Variants in PNPLA6 observed in about 807,000 individuals in gnomAD.
The protein encoded by PNPLA6 is patatin-like phospholipase domain-containing protein 6.
PNPLA6 carries 105 observed loss-of-function variants against 153.7 expected under a neutral mutation model. The ratio of observed to expected loss-of-function variants is 0.68; its 90% CI spans 0.58 to 0.80. The LOEUF is 0.80. PNPLA6 is among the 30% of genes least tolerant of loss of function. PNPLA6 has a pLI of 0.00. For missense variants in PNPLA6, 1,423 were observed against 1,919.3 expected, an observed-to-expected ratio of 0.74 and a Z score of 4.83; for synonymous variants, 825 against 822.2, an observed-to-expected ratio of 1.00 and a Z score of -0.06.
intron 26 of PNPLA6, 90 bp from the exon 27 acceptor site, chr19:7,557,077 TC>T: frequency 1.0e-6 from 1 of 984,520 alleles, no homozygotes; most frequent in Admixed American, 1.7e-5. Context: ...GTTAACAACG[TC>T]CCAGGTCAGC....
At chr19:7,551,578 A>G (rs1188501287) in intron 18 of PNPLA6, 141 bp downstream of exon 18, 2 of 744,346 alleles carry the variant, frequency 2.7e-6, no homozygotes, top group Admixed American at 4.0e-5. Context: ...TTCAAACCCT[A>G]AGTAGGACCC....
chr19:7,557,959 C>T (rs769854780), intron 27 of PNPLA6, among the ~76,000 whole-genome samples: 5 of 152,156 alleles, frequency 3.3e-5, no homozygotes, highest in Non-Finnish European at 7.3e-5. Flanking sequence ...CATGCTTTCT[C>T]TCAGGGGCAG....
At chr19:7,554,808 C>T (rs1313453434) in intron 21 of PNPLA6, 85 bp downstream of exon 21, 37 of 1,583,040 alleles carry the variant, frequency 2.3e-5, no homozygotes, top group East Asian at 1.1e-4. Context: ...CGTGCACCCT[C>T]GCCATGGGGG....
In PNPLA6 at chr19:7,557,231, A is replaced by G. The variant is rs762434726; in HGVS notation, c.3344A>G (p.Asp1115Gly). ...TCGGGCTACCTGCCCCCGCTGTGCG[A>G]CCCCAAGGACGGGCACCTACTCATG... Reference protein sequence around the residue: ...TLSGYLPPLCDPKDGHLLMDG... With the variant: ...TLSGYLPPLCGPKDGHLLMDG... Residue 1115 changes from aspartate to glycine, a missense_variant, in exon 27 of 32, where the codon GAC becomes GGC. By Grantham distance (94) the Asp-to-Gly change is moderately conservative. Coordinates refer to ENST00000600737, the MANE Select transcript of PNPLA6 (RefSeq NM_001166114.2). 14 of 1,613,502 alleles carry G rather than the reference A, an allele frequency of 8.7e-6. No homozygotes were observed. Among genetic ancestry groups the G allele is most frequent in the Non-Finnish European group, 1.2e-5 (14 of 1,179,916 alleles).
Position 7,560,751 on chromosome 19 carries a change from G to T in PNPLA6, c.3803G>T (p.Ser1268Ile). The change falls in exon 29 of 32, where the codon AGC (serine) becomes ATC (isoleucine). Residue 1268 changes from serine (S) to isoleucine (I), a missense_variant. Physicochemically the swap from Ser to Ile is moderately radical, Grantham distance 142. This residue lies in a region of PNPLA6 where 643 missense variants were observed against 835.2 expected (regional missense o/e 0.77). Coordinates refer to ENST00000600737, the MANE Select transcript of PNPLA6 (RefSeq NM_001166114.2). ...CGGCGGTCTACAGACCTTAATGAGA[G>T]CCGCCGTGCAGACGTAAGCCTGTGA... ...TDRRSTDLNE[S>I]RRADVLAFPS... 2 of 1,607,204 alleles carry T rather than the reference G, an allele frequency of 1.2e-6. No homozygotes were observed. The highest frequency in any genetic ancestry group is 1.7e-6 in the Non-Finnish European group (2 of 1,173,856).
In PNPLA6 at chr19:7,541,422, GCT is replaced by G; in HGVS notation, c.996_997del (p.Phe333GlnfsTer99). The G allele has an allele frequency of 6.2e-7, 1 of 1,613,928 alleles. No homozygotes were observed. Among genetic ancestry groups the G allele is most frequent in the Non-Finnish European group, 8.5e-7 (1 of 1,179,886 alleles). ...LHNYLGLTNELFSHEIQPLRL... is the reference protein window; with the variant it reads ...LHNYLGLTNEXFSHEIQPLRL... ...ACAACTACCTGGGTCTGACCAATGAGCTCTTCAGCCACGTGAGTGGGTGGCGG... is the reference window on the plus strand; with the variant it reads ...ACAACTACCTGGGTCTGACCAATGAGCTTCAGCCACGTGAGTGGGTGGCGG... On this transcript the variant is annotated frameshift_variant, in exon 8 of 32. Transcript: ENST00000600737. LOFTEE classifies it high-confidence loss of function. This position sits in a 1 kb window ranked among gnomAD's most constrained non-coding sequence, Gnocchi z 5.2.
intron 3 of PNPLA6, among the ~76,000 whole-genome samples, chr19:7,536,950 A>AGAAGAAG (rs1324074894): frequency 7.9e-6 from 1 of 127,060 alleles, no homozygotes; most frequent in African/African-American, 2.9e-5. Flanking sequence ...AAAAAAAAAA[A>AGAAGAAG]AAGAAGAAGA....
chr19:7,550,702 C>T, intron 16 of PNPLA6, 62 bp downstream of exon 16: 1 of 1,587,302 alleles, frequency 6.3e-7, no homozygotes, highest in South Asian at 1.1e-5. Flanking sequence ...CGACAACTCA[C>T]ACACATCATC....
intron 2 of PNPLA6, 42 bp from the exon 3 acceptor site, chr19:7,536,407 T>C (rs772734331): frequency 6.8e-7 from 1 of 1,478,228 alleles, no homozygotes; most frequent in East Asian, 2.3e-5. Flanking sequence ...TTCTCCAAGG[T>C]CTGAATTAGC....
intron 16 of PNPLA6, 133 bp from the exon 17 acceptor site, chr19:7,550,861 G>C (rs1408699241): frequency 1.1e-6 from 1 of 887,674 alleles, no homozygotes; most frequent in African/African-American, 1.7e-5. Context: ...CTAATGGGTA[G>C]CGAGCGAGGC....
chr19:7,535,315 G>A (rs1568403149), upstream of PNPLA6: 5 of 617,094 alleles, frequency 8.1e-6, no homozygotes, highest in East Asian at 8.3e-5. The surrounding 1 kb of genome is among the most constrained non-coding windows in gnomAD (Gnocchi z 5.0). Context: ...TCATCTCCTG[G>A]CCAGGGCCGA....
At chr19:7,556,053 CTTTTTTTTTTTTTTTTT>C (rs33951220) in intron 24 of PNPLA6, among the ~76,000 whole-genome samples, 1 of 60,316 alleles carries the variant, frequency 1.7e-5, no homozygotes, top group Non-Finnish European at 3.0e-5. Context: ...CTAAGTGTTC[CTTTTTTTTTTTTTTTTT>C]TTTTTTTTTT....
At position 7,541,948 on chromosome 19, in the gene PNPLA6, C is replaced by G; in HGVS notation, c.1169-36C>G. ...CAACCTGCTAATCCTCCTAGTGGCT[C>G]TGAGGGGCAGGAGCCTGAACATGTG... On this transcript the variant is annotated intron_variant, in intron 9 of 31. Transcript: ENST00000600737. The surrounding 1 kb of genome is among the most constrained non-coding windows in gnomAD (Gnocchi z 5.2). 2 of 1,558,784 alleles carry G rather than the reference C, an allele frequency of 1.3e-6. No individual in the cohort carries two copies. Among genetic ancestry groups the G allele is most frequent in the Non-Finnish European group, 1.8e-6 (2 of 1,136,168 alleles).
At chr19:7,560,056 G>A (rs1055321773) in intron 28 of PNPLA6, among the ~76,000 whole-genome samples, 10 of 151,696 alleles carry the variant, frequency 6.6e-5, no homozygotes, top group East Asian at 3.9e-4. Context: ...AGGAGAAATC[G>A]CTTGAACCTA....
At chr19:7,558,231 G>C (rs965327514) in intron 27 of PNPLA6, among the ~76,000 whole-genome samples, 1 of 152,198 alleles carries the variant, frequency 6.6e-6, no homozygotes, top group Admixed American at 6.5e-5. Context: ...GTGCATATAT[G>C]AACAGACATG....
chr19:7,561,744 A>T lies in PNPLA6; in HGVS notation c.*182A>T. On this transcript the variant is annotated 3_prime_UTR_variant, in exon 32 of 32. Transcript: ENST00000600737. Reference sequence around the variant, plus strand: ...TGATGACTTGACCAGCCCCTCCCCCAATAAACTCGCCTCTTGGAAATGGCT... The same window carrying T: ...TGATGACTTGACCAGCCCCTCCCCCTATAAACTCGCCTCTTGGAAATGGCT... The T allele has an allele frequency of 1.4e-6, 1 of 701,412 alleles. No homozygotes were observed. 43.4% of individuals were successfully genotyped at this position (701,412 alleles called of 1,614,324 possible).
chr19:7,546,066 A>G (rs11881687), intron 13 of PNPLA6, among the ~76,000 whole-genome samples: 25,342 of 152,102 alleles, frequency 0.17, 2,306 homozygotes, highest in Non-Finnish European at 0.2. Flanking sequence ...TCTTGGCACT[A>G]CAAAGTCTGG....
chr19:7,536,177 C>A lies in PNPLA6; in HGVS notation c.233-14C>A. ...CACAGAGCTCGGAGTGCCCCTGTCC[C>A]CACCTATCCCCAGAAACCCCAGCCC... On this transcript the variant is annotated splice_polypyrimidine_tract_variant and intron_variant, in intron 1 of 31. Coordinates refer to ENST00000600737, the MANE Select transcript of PNPLA6 (RefSeq NM_001166114.2). 6.3e-7 allele frequency: 1 copy of A among 1,588,676 alleles called. No homozygotes were observed. The highest frequency in any genetic ancestry group is 8.6e-7 in the Non-Finnish European group (1 of 1,156,864).
rs1308358712 is a variant in PNPLA6 at position 7,541,969 on chromosome 19, A to G, written c.1169-15A>G. 1.2e-6 allele frequency: 2 copies of G among 1,603,704 alleles called. No individual in the cohort carries two copies. Among genetic ancestry groups the G allele is most frequent in the Non-Finnish European group, 1.7e-6 (2 of 1,176,170 alleles). ...GGCTCTGAGGGGCAGGAGCCTGAACATGTGTCTCCCCCAGGGGACCCTGTG... is the reference window on the plus strand; with the variant it reads ...GGCTCTGAGGGGCAGGAGCCTGAACGTGTGTCTCCCCCAGGGGACCCTGTG... On this transcript the variant is annotated splice_polypyrimidine_tract_variant and intron_variant, in intron 9 of 31. Transcript: ENST00000600737. This position sits in a 1 kb window ranked among gnomAD's most constrained non-coding sequence, Gnocchi z 5.2.
Sources: gnomAD v4.1 joint callset for allele counts (sites outside exome capture counted in the v4.1 genomes callset) on GRCh38, gnomAD v4.1.1 for gene constraint, gnomAD v4.1.1 regional missense constraint, Gnocchi (gnomAD v3.1) non-coding constraint, MANE v1.5 for transcripts, NCBI Gene and HGNC (gene_info 2026-07-23, HGNC 2026-07-21) for gene names.